Variants in EYS observed in about 807,000 individuals in gnomAD.
EYS encodes the protein protein eyes shut homolog.
A neutral mutation model predicts 282.1 loss-of-function variants in EYS; 250 were observed. That is an observed-to-expected ratio of 0.89 (90% CI 0.80 to 0.98). The LOEUF is 0.98. EYS is among the 50% of genes least tolerant of loss of function. The probability of loss-of-function intolerance (pLI) is 0.00; values close to 1 mark genes in which losing one functional copy is unlikely to be tolerated. For missense variants in EYS, 4,016 were observed against 3,709.0 expected (o/e 1.08, Z -2.15); for synonymous variants, 1,355 against 1,282.9 (o/e 1.06, Z -1.20).
chr6:65,094,682 TA>T (rs1369727581), intron 12 of EYS, among the ~76,000 whole-genome samples: 1 of 151,034 alleles, frequency 6.6e-6, no homozygotes, highest in Non-Finnish European at 1.5e-5. Context: ...ATTTTTTTCT[TA>T]AAAAAATTAA....
At chr6:65,093,882 A>C (rs1581904129) in intron 12 of EYS, among the ~76,000 whole-genome samples, 1 of 151,864 alleles carries the variant, frequency 6.6e-6, no homozygotes, top group Middle Eastern at 3.4e-3. Flanking sequence ...GCTGTCTATA[A>C]GAAACCCACC....
At chr6:64,997,187 G>A (rs1479461191) in intron 14 of EYS, among the ~76,000 whole-genome samples, 1 of 152,122 alleles carries the variant, frequency 6.6e-6, no homozygotes, top group East Asian at 1.9e-4. Context: ...AGGTCAGAGT[G>A]AAATGTAAGA....
At chr6:64,109,205 T>C (rs1376402122) in intron 31 of EYS, among the ~76,000 whole-genome samples, 2 of 152,158 alleles carry the variant, frequency 1.3e-5, no homozygotes, top group Non-Finnish European at 2.9e-5. Flanking sequence ...TAATTATTAC[T>C]CTATCATTAT....
intron 36 of EYS, among the ~76,000 whole-genome samples, chr6:63,827,700 C>T (rs1290205435): frequency 3.3e-5 from 5 of 151,892 alleles, no homozygotes; most frequent in Admixed American, 1.3e-4. Flanking sequence ...AAAAATTAGC[C>T]GGGCGCTGTG....
intron 12 of EYS, among the ~76,000 whole-genome samples, chr6:65,271,643 T>A (rs1767908354): frequency 1.3e-5 from 2 of 151,882 alleles, no homozygotes; most frequent in Non-Finnish European, 2.9e-5. Context: ...AGTACAGTGG[T>A]ATGATCTCGG....
chr6:65,442,596 A>G (rs1244325988), intron 5 of EYS, among the ~76,000 whole-genome samples: 1 of 151,548 alleles, frequency 6.6e-6, no homozygotes, highest in African/African-American at 2.4e-5. Context: ...TACTAAAACT[A>G]TAAAAAAATT....
At chr6:65,349,442 G>C (rs912396290) in intron 9 of EYS, among the ~76,000 whole-genome samples, 1 of 151,390 alleles carries the variant, frequency 6.6e-6, no homozygotes, top group Admixed American at 6.6e-5. Flanking sequence ...ATAATATGAA[G>C]AGTTGAAATC....
At chr6:64,389,194 T>C (rs951463603) in intron 28 of EYS, among the ~76,000 whole-genome samples, 1 of 152,174 alleles carries the variant, frequency 6.6e-6, no homozygotes, top group African/African-American at 2.4e-5. Context: ...TTAAAAAGAA[T>C]CAAATTTCAA....
At chr6:64,480,164 G>A (rs1433019651) in intron 26 of EYS, among the ~76,000 whole-genome samples, 3 of 151,876 alleles carry the variant, frequency 2.0e-5, no homozygotes, top group African/African-American at 4.8e-5. Context: ...AGTAACTCAT[G>A]TAATACTCAT....
chr6:64,897,100 G>A (rs1767499478), intron 18 of EYS, among the ~76,000 whole-genome samples: 1 of 152,146 alleles, frequency 6.6e-6, no homozygotes, highest in Admixed American at 6.5e-5. Flanking sequence ...CAGTGCTCAA[G>A]CTCTGCTAAG....
At chr6:64,114,882 C>G (rs1029417454) in intron 31 of EYS, among the ~76,000 whole-genome samples, 3 of 152,088 alleles carry the variant, frequency 2.0e-5, no homozygotes, top group African/African-American at 7.2e-5. Context: ...CTCGCCCAAC[C>G]CAACAAGAAG....
At chr6:64,134,928 T>C (rs1774109625) in intron 31 of EYS, among the ~76,000 whole-genome samples, 1 of 152,130 alleles carries the variant, frequency 6.6e-6, no homozygotes, top group South Asian at 2.1e-4. Flanking sequence ...ATGAGATGCA[T>C]TTTGTGTTCT....
At chr6:64,301,515 CG>C (rs1215109699) in intron 30 of EYS, among the ~76,000 whole-genome samples, 1 of 152,110 alleles carries the variant, frequency 6.6e-6, no homozygotes, top group East Asian at 1.9e-4. Context: ...GCTCACATAC[CG>C]GAACTAAAAC....
intron 12 of EYS, among the ~76,000 whole-genome samples, chr6:65,232,917 A>G (rs987628363): frequency 1.3e-5 from 2 of 152,050 alleles, no homozygotes; most frequent in Admixed American, 1.3e-4. Context: ...TGACTTTTTC[A>G]CTTAGCATGT....
At chr6:64,689,930 G>A (rs1049670884) in intron 22 of EYS, among the ~76,000 whole-genome samples, 30 of 152,246 alleles carry the variant, frequency 2.0e-4, no homozygotes, top group African/African-American at 5.8e-4. Flanking sequence ...AGGACTTCAC[G>A]TCTAAAACAC....
intron 26 of EYS, among the ~76,000 whole-genome samples, chr6:64,465,348 C>T (rs935577904): frequency 1.2e-4 from 19 of 152,130 alleles, no homozygotes; most frequent in African/African-American, 4.1e-4. Flanking sequence ...CAGCATACTA[C>T]TTGATTTCAA....
chr6:64,125,323 G>A (rs1773738941), intron 31 of EYS, among the ~76,000 whole-genome samples: 1 of 152,114 alleles, frequency 6.6e-6, no homozygotes, highest in Non-Finnish European at 1.5e-5. Context: ...GTGGTTAGTG[G>A]ATGGAGTTAG....
chr6:65,356,939 A>T (rs1416847746), intron 8 of EYS, among the ~76,000 whole-genome samples: 1 of 152,024 alleles, frequency 6.6e-6, no homozygotes, highest in Non-Finnish European at 1.5e-5. Context: ...ATGAAAATAG[A>T]TGTACAATAT....
At chr6:64,634,606 G>C (rs926860163) in intron 22 of EYS, among the ~76,000 whole-genome samples, 1 of 150,660 alleles carries the variant, frequency 6.6e-6, no homozygotes. Context: ...GTGTGGTATA[G>C]TCAATATACT....
Sources: allele counts gnomAD v4.1 joint callset (sites outside exome capture counted in the v4.1 genomes callset), GRCh38; gene constraint gnomAD v4.1.1; transcripts MANE v1.5; gene names NCBI Gene and HGNC (gene_info 2026-07-23, HGNC 2026-07-21).